The following FAM222B variants were observed in gnomAD, a reference collection of about 807,000 sequenced individuals.
The protein encoded by FAM222B is protein FAM222B.
FAM222B carries 12 observed loss-of-function variants against 38.0 expected under a neutral mutation model. That is an observed-to-expected ratio of 0.32 (90% CI 0.20 to 0.51). The LOEUF (loss-of-function observed/expected upper bound fraction) is 0.51. Ranked by LOEUF, FAM222B falls within the 20% of genes least tolerant of loss-of-function variation. FAM222B has a pLI of 0.97. For missense variants in FAM222B, 716 were observed against 754.2 expected (o/e 0.95, Z 0.59); for synonymous variants, 329 against 317.2 (o/e 1.04, Z -0.40).
chr17:28,850,674 G>A (rs1365008576), intron 1 of FAM222B, among the ~76,000 whole-genome samples: 2 of 152,012 alleles, frequency 1.3e-5, no homozygotes, highest in African/African-American at 4.8e-5. Flanking sequence ...GGGTATTTTT[G>A]TTCTGTTTGT....
chr17:28,848,834 T>C (rs781042818), intron 1 of FAM222B: 1 of 152,084 alleles, frequency 6.6e-6, no homozygotes, highest in African/African-American at 2.4e-5. Context: ...ATATATGTTG[T>C]TGTCATATAG....
chr17:28,852,311 G>A (rs1425161878), intron 1 of FAM222B, among the ~76,000 whole-genome samples: 3 of 151,868 alleles, frequency 2.0e-5, no homozygotes, highest in African/African-American at 4.8e-5. Context: ...AGCCAAGATC[G>A]TGCCACTGCA....
intron 1 of FAM222B, among the ~76,000 whole-genome samples, chr17:28,790,770 C>T (rs562699598): frequency 6.7e-6 from 1 of 149,966 alleles, no homozygotes; most frequent in South Asian, 2.1e-4. Context: ...ATAGGAAATA[C>T]TAAAGTATTC....
chr17:28,805,108 C>G (rs2037422136), intron 1 of FAM222B, among the ~76,000 whole-genome samples: 1 of 151,860 alleles, frequency 6.6e-6, no homozygotes, highest in African/African-American at 2.4e-5. Flanking sequence ...GTTCTAATCC[C>G]AGCACTTGGG....
rs376045278 is a variant in FAM222B, at chr17:28,853,213, A to T, written c.-41+1737T>A. On this transcript the variant is annotated intron_variant, in intron 1 of 2. Transcript: ENST00000577513. ...TGTCTCAAAAAAAAAAAAAAAAAAG[A>T]ATTACTAGGCATGGCAGCGGCAGGT... Among the ~76,000 whole-genome samples, 286 of 146,348 alleles carry T rather than the reference A, an allele frequency of 2.0e-3. 2 individuals carry two copies. Among genetic ancestry groups the T allele is most frequent in the African/African-American group, 6.8e-3 (273 of 40,158 alleles).
chr17:28,806,243 A>G (rs1048936392), intron 1 of FAM222B, among the ~76,000 whole-genome samples: 3 of 152,080 alleles, frequency 2.0e-5, no homozygotes, highest in Admixed American at 2.0e-4. Flanking sequence ...ATAATCAATA[A>G]CAGACTTTTC....
chr17:28,839,785 G>T (rs918226336), intron 1 of FAM222B, among the ~76,000 whole-genome samples: 1 of 152,024 alleles, frequency 6.6e-6, no homozygotes, highest in Non-Finnish European at 1.5e-5. Flanking sequence ...AGGAACTAAA[G>T]TAAAAAGGTT....
chr17:28,853,941 CTTTTTT>C (rs34393247), intron 1 of FAM222B, among the ~76,000 whole-genome samples: 2 of 119,980 alleles, frequency 1.7e-5, no homozygotes, highest in Non-Finnish European at 1.7e-5. Context: ...ATCTCTGTTT[CTTTTTT>C]TTTTTTTTTT....
chr17:28,775,345 G>A (rs2035837117), intron 1 of FAM222B, among the ~76,000 whole-genome samples: 1 of 151,570 alleles, frequency 6.6e-6, no homozygotes, highest in Non-Finnish European at 1.5e-5. Context: ...TTTTCCGTGG[G>A]GAATGGGGGA....
chr17:28,825,741 T>C (rs534946924), intron 1 of FAM222B, among the ~76,000 whole-genome samples: 4 of 152,282 alleles, frequency 2.6e-5, no homozygotes, highest in African/African-American at 4.8e-5. Flanking sequence ...ATCCTCTATT[T>C]TTCTGTACAG....
chr17:28,760,303 G>C (rs1440327465), intron 2 of FAM222B, among the ~76,000 whole-genome samples: 1 of 152,156 alleles, frequency 6.6e-6, no homozygotes, highest in African/African-American at 2.4e-5. Flanking sequence ...GCTGGGCACG[G>C]TGGCTCACAC....
chr17:28,797,525 A>G (rs2036999639), intron 1 of FAM222B, among the ~76,000 whole-genome samples: 1 of 152,232 alleles, frequency 6.6e-6, no homozygotes, highest in African/African-American at 2.4e-5. Flanking sequence ...ATCAGGAATT[A>G]TGGAAAAGGG....
chr17:28,758,671 T>C lies in FAM222B; in HGVS notation c.1288A>G (p.Thr430Ala). ...FHLKPPLEKP[T>A]PSPPVNGMAA... ...ATGCCGTTGACTGGTGGGGATGGGGTCGGCTTTTCCAGGGGTGGCTTCAGA... is the reference window on the plus strand; with the variant it reads ...ATGCCGTTGACTGGTGGGGATGGGGCCGGCTTTTCCAGGGGTGGCTTCAGA... Residue 430 changes from threonine (T) to alanine (A), a missense_variant, in exon 3 of 3, where the codon ACC (threonine) becomes GCC (alanine). Transcript: ENST00000581407. The C allele has an allele frequency of 1.2e-6, 2 of 1,606,236 alleles. No homozygotes were observed. Among genetic ancestry groups the C allele is most frequent in the Non-Finnish European group, 1.7e-6 (2 of 1,175,198 alleles).
intron 1 of FAM222B, among the ~76,000 whole-genome samples, chr17:28,796,506 T>A (rs2036944273): frequency 6.6e-6 from 1 of 152,200 alleles, no homozygotes; most frequent in African/African-American, 2.4e-5. Flanking sequence ...TTCCCCTGGA[T>A]GCGCTAAAGT....
chr17:28,850,976 G>T (rs1402452811), intron 1 of FAM222B, among the ~76,000 whole-genome samples: 1 of 151,562 alleles, frequency 6.6e-6, no homozygotes, highest in Non-Finnish European at 1.5e-5. Context: ...AAAATTAGCC[G>T]GGCTTGGTGG....
intron 1 of FAM222B, among the ~76,000 whole-genome samples, chr17:28,779,638 C>A (rs2036073846): frequency 6.6e-6 from 1 of 151,980 alleles, no homozygotes; most frequent in South Asian, 2.1e-4. Context: ...GTAGTCCCAG[C>A]TACTCTGGAA....
intron 1 of FAM222B, among the ~76,000 whole-genome samples, chr17:28,854,019 C>T (rs2039204757): frequency 6.7e-6 from 1 of 149,672 alleles, no homozygotes; most frequent in South Asian, 2.1e-4. Flanking sequence ...TCTCAGCTCA[C>T]TGCAAGCTCC....
At position 28,820,019 on chromosome 17, in the gene FAM222B, GA is replaced by G. The variant is rs751195404; in HGVS notation, c.-41+22662del. On this transcript the variant is annotated intron_variant, in intron 1 of 2. Coordinates refer to ENST00000581407, the MANE Select transcript of FAM222B (RefSeq NM_001077498.3). ...GGATTGTGAAAGAACTCAAATTCCAGAAAAAAAGATTCCAGTCCAACCTGCA... is the reference window on the plus strand; with the variant it reads ...GGATTGTGAAAGAACTCAAATTCCAGAAAAAAGATTCCAGTCCAACCTGCA... Among the ~76,000 whole-genome samples the G allele has an allele frequency of 3.3e-5, 5 of 152,130 alleles. No individual in the cohort carries two copies. In the East Asian group the frequency reaches 9.6e-4, roughly 29 times the overall value.
upstream of FAM222B, among the ~76,000 whole-genome samples, chr17:28,846,749 C>A (rs547169395): frequency 6.6e-6 from 1 of 152,136 alleles, no homozygotes; most frequent in East Asian, 1.9e-4. Flanking sequence ...TCCTCAATAT[C>A]CAAGGGTTCA....
Sources: allele counts gnomAD v4.1 joint callset (sites outside exome capture counted in the v4.1 genomes callset), GRCh38; gene constraint gnomAD v4.1.1; transcripts MANE v1.5; gene names NCBI Gene and HGNC (gene_info 2026-07-23, HGNC 2026-07-21).